The following IARS1 variants were observed in gnomAD, a reference collection of about 807,000 sequenced individuals.
IARS1 encodes isoleucyl-tRNA synthetase 1, also known as isoleucine--tRNA ligase, cytoplasmic.
In IARS1, 124 loss-of-function variants were observed where a neutral mutation model predicts 168.2. The observed-to-expected ratio is 0.74, with a 90% CI of 0.64 to 0.86. IARS1 has a LOEUF of 0.86. IARS1 is among the 40% of genes least tolerant of loss of function. The pLI is 0.00. For synonymous variants in IARS1, 532 were observed against 529.4 expected (o/e 1.00, Z -0.07); for missense variants, 1,452 against 1,515.8 (o/e 0.96, Z 0.70).
chr9:92,260,116 A>C (rs376439784), intron 18 of IARS1, 35 bp downstream of exon 18: 2 of 1,430,854 alleles, frequency 1.4e-6, no homozygotes, highest in African/African-American at 1.4e-5. Flanking sequence ...ATAAAAAAAC[A>C]ATAGATACAC....
intron 30 of IARS1, among the ~76,000 whole-genome samples, chr9:92,233,239 C>T (rs1826986757): frequency 6.6e-6 from 1 of 152,214 alleles, no homozygotes; most frequent in African/African-American, 2.4e-5. Context: ...CTAATGTTAT[C>T]AGTCATAATT....
At chr9:92,231,414 CT>C (rs869062848) in intron 30 of IARS1, among the ~76,000 whole-genome samples, 351 of 135,080 alleles carry the variant, frequency 2.6e-3, no homozygotes, top group African/African-American at 4.9e-3. Context: ...TTATTTTTTT[CT>C]TTTTTTTTTT....
intron 19 of IARS1, 104 bp downstream of exon 19, chr9:92,258,750 G>C: frequency 2.5e-6 from 3 of 1,193,272 alleles, no homozygotes; most frequent in Non-Finnish European, 3.4e-6. Context: ...AGGCAGCAGA[G>C]AACAGCAGCC....
intron 33 of IARS1, among the ~76,000 whole-genome samples, chr9:92,214,573 G>A (rs1002952329): frequency 2.0e-5 from 3 of 152,146 alleles, no homozygotes; most frequent in Non-Finnish European, 4.4e-5. Flanking sequence ...CGCACCGTGC[G>A]CGAGCCGAAG....
chr9:92,288,021 G>C, intron 3 of IARS1, 105 bp downstream of exon 3: 1 of 1,516,964 alleles, frequency 6.6e-7, no homozygotes, highest in African/African-American at 1.4e-5. Flanking sequence ...AAATGAACTA[G>C]AAGGTCTGAC....
chr9:92,230,755 T>C (rs1380910213), intron 30 of IARS1, among the ~76,000 whole-genome samples: 2 of 152,220 alleles, frequency 1.3e-5, no homozygotes, highest in African/African-American at 4.8e-5. Flanking sequence ...GATACAGCAT[T>C]TGGTGCTGTC....
Position 92,216,327 on chromosome 9 carries a change from T to C in IARS1, c.3707-5438A>G, listed in dbSNP as rs1838684367. 2.0e-5 allele frequency among the ~76,000 whole-genome samples: 3 copies of C among 151,084 alleles called. No individual in the cohort carries two copies. In the South Asian group the frequency reaches 6.5e-4, roughly 33 times the overall value. ...CAGCTGCTGCAAAATCATGCCAAAA[T>C]GTAAAGACCATCGAGACTAGGAAGA... On this transcript the variant is annotated intron_variant, in intron 33 of 33. Coordinates refer to ENST00000443024, the MANE Select transcript of IARS1 (RefSeq NM_002161.6).
At chr9:92,227,834 C>T (rs1294345234) in intron 31 of IARS1, among the ~76,000 whole-genome samples, 35 of 151,132 alleles carry the variant, frequency 2.3e-4, no homozygotes, top group African/African-American at 8.3e-4. Context: ...CGGGCAGAGA[C>T]GCTCCTCACT....
At chr9:92,264,866 T>A (rs1276557509) in intron 16 of IARS1, 63 bp downstream of exon 16, 2 of 1,417,212 alleles carry the variant, frequency 1.4e-6, no homozygotes, top group East Asian at 4.7e-5. Flanking sequence ...AGTGACTTAG[T>A]AAAATACTCC....
At chr9:92,236,287 C>CT (rs1827513938) in intron 30 of IARS1, among the ~76,000 whole-genome samples, 2 of 152,060 alleles carry the variant, frequency 1.3e-5, no homozygotes, top group South Asian at 4.1e-4. Context: ...CCCAGCCTAT[C>CT]TTTTTTGTTA....
intron 27 of IARS1, among the ~76,000 whole-genome samples, chr9:92,244,336 G>A (rs1828874958): frequency 6.6e-6 from 1 of 152,188 alleles, no homozygotes; most frequent in East Asian, 1.9e-4. Context: ...TGAGGAGGTC[G>A]ACCTTCCTTT....
chr9:92,240,682 T>C, intron 30 of IARS1, 174 bp downstream of exon 30: 7 of 718,348 alleles, frequency 9.7e-6, no homozygotes, highest in Non-Finnish European at 1.8e-5. Flanking sequence ...AATGATCCAC[T>C]GCATCTCGCC....
chr9:92,289,538 G>C, intron 1 of IARS1, 112 bp from the exon 2 acceptor site: 1 of 649,052 alleles, frequency 1.5e-6, no homozygotes, highest in African/African-American at 1.8e-5. Flanking sequence ...AAAAATTACA[G>C]CTTTATTGAT....
At position 92,260,132 on chromosome 9, in the gene IARS1, G is replaced by A. The variant is rs377195423; in HGVS notation, c.1871+19C>T. 308 of 1,519,876 alleles carry A rather than the reference G, an allele frequency of 2.0e-4. 5 individuals carry two copies. Among genetic ancestry groups the A allele is most frequent in the Non-Finnish European group, 2.3e-5 (25 of 1,094,102 alleles). The allele number at this position is 1,519,876 out of a possible 1,614,324, so 94.1% of individuals were successfully genotyped here. A position where few individuals can be genotyped will look rare whatever the true frequency, so the allele number is the denominator to read the frequency against. ...TAAAAAAACAATAGATACACACAAG[G>A]CAAAGCACTGGTTTGTACCTGAGGG... is the stretch of plus-strand genomic sequence containing the variant. On this transcript the variant is annotated intron_variant, in intron 18 of 33. Transcript: ENST00000443024.
intron 27 of IARS1, among the ~76,000 whole-genome samples, chr9:92,244,594 T>G (rs1828912761): frequency 6.6e-6 from 1 of 152,162 alleles, no homozygotes; most frequent in African/African-American, 2.4e-5. Flanking sequence ...TATTTTTGGA[T>G]AGGAGCCCTC....
intron 30 of IARS1, chr9:92,240,583 AG>A: frequency 1.5e-6 from 1 of 652,680 alleles, no homozygotes; most frequent in Non-Finnish European, 2.8e-6. Flanking sequence ...TAATTGAGGC[AG>A]GATCTTATTA....
chr9:92,283,066 G>A (rs537289531), intron 6 of IARS1, among the ~76,000 whole-genome samples: 132 of 152,064 alleles, frequency 8.7e-4, no homozygotes, highest in Non-Finnish European at 1.3e-3. Context: ...TGTTGCCCAG[G>A]TCGGCCTCCA....
At chr9:92,275,713 A>G (rs1233341220) in intron 9 of IARS1, among the ~76,000 whole-genome samples, 1 of 152,236 alleles carries the variant, frequency 6.6e-6, no homozygotes, top group Non-Finnish European at 1.5e-5. Flanking sequence ...CACCCAGGTC[A>G]GTAGATACCA....
chr9:92,236,783 A>G (rs929414291), intron 30 of IARS1, among the ~76,000 whole-genome samples: 13 of 152,326 alleles, frequency 8.5e-5, no homozygotes, highest in Non-Finnish European at 1.9e-4. Flanking sequence ...CAGGAGGTGG[A>G]GGTTGCAGTG....
Sources: gnomAD v4.1 joint callset for allele counts (sites outside exome capture counted in the v4.1 genomes callset) on GRCh38, gnomAD v4.1.1 for gene constraint, MANE v1.5 for transcripts, NCBI Gene and HGNC (gene_info 2026-07-23, HGNC 2026-07-21) for gene names.